ARHGEF10L: variants seen among roughly 807,000 people sequenced by gnomAD.
ARHGEF10L encodes Rho guanine nucleotide exchange factor 10 like, also known as rho guanine nucleotide exchange factor 10-like protein.
Under a neutral mutation model 141.2 loss-of-function variants are expected in ARHGEF10L, and 69 were observed. The observed-to-expected ratio is 0.49, with a 90% CI of 0.40 to 0.60. The LOEUF is 0.60. ARHGEF10L is among the 20% of genes least tolerant of loss of function. The probability of loss-of-function intolerance (pLI) is 0.00; values close to 1 mark genes in which losing one functional copy is unlikely to be tolerated. For synonymous variants in ARHGEF10L, 711 were observed against 718.5 expected, an observed-to-expected ratio of 0.99 and a Z score of 0.17; for missense variants, 1,482 against 1,734.3, an observed-to-expected ratio of 0.85 and a Z score of 2.58.
chr1:17,659,196 C>T (rs1357184772), intron 25 of ARHGEF10L, among the ~76,000 whole-genome samples: 1 of 152,144 alleles, frequency 6.6e-6, no homozygotes, highest in African/African-American at 2.4e-5. Flanking sequence ...ACCACCTGGG[C>T]AGGTGAATTT....
intron 26 of ARHGEF10L, among the ~76,000 whole-genome samples, chr1:17,667,083 G>T (rs1390516743): frequency 6.6e-6 from 1 of 152,182 alleles, no homozygotes; most frequent in East Asian, 1.9e-4. Flanking sequence ...CTCTGCAAGC[G>T]GTCTCCTGCA....
At chr1:17,680,712 G>T (rs1332395330) in intron 26 of ARHGEF10L, among the ~76,000 whole-genome samples, 1 of 151,834 alleles carries the variant, frequency 6.6e-6, no homozygotes, top group Non-Finnish European at 1.5e-5. Flanking sequence ...GCTGGAGGAG[G>T]CGGGCACAAC....
intron 1 of ARHGEF10L, among the ~76,000 whole-genome samples, chr1:17,548,302 A>G (rs2076985722): frequency 1.3e-5 from 2 of 152,302 alleles, no homozygotes; most frequent in South Asian, 4.1e-4. Flanking sequence ...GGGTCTCCAT[A>G]GAAAAGAAAT....
intron 7 of ARHGEF10L, among the ~76,000 whole-genome samples, chr1:17,612,483 C>T (rs1234537685): frequency 6.6e-6 from 1 of 152,144 alleles, no homozygotes. Context: ...TTCATCCATC[C>T]ATCCCTCTAT....
chr1:17,655,784 A>T, intron 23 of ARHGEF10L, 95 bp from the exon 24 acceptor site: 6 of 1,141,258 alleles, frequency 5.3e-6, no homozygotes, highest in Non-Finnish European at 7.5e-6. Context: ...TGCTTCTCTC[A>T]GGGGATGGGG....
chr1:17,593,516 G>A (rs2079781213), intron 4 of ARHGEF10L, among the ~76,000 whole-genome samples: 1 of 152,152 alleles, frequency 6.6e-6, no homozygotes. Context: ...GCCAGAGTCA[G>A]AAAGAGGTGG....
intron 26 of ARHGEF10L, among the ~76,000 whole-genome samples, chr1:17,687,143 A>G (rs923352248): frequency 6.6e-6 from 1 of 151,974 alleles, no homozygotes; most frequent in East Asian, 1.9e-4. Context: ...TACATAAACC[A>G]CAACTTCTTT....
Position 17,587,536 on chromosome 1 carries a change from T to A in ARHGEF10L, c.114T>A (p.Asp38Glu), listed in dbSNP as rs1402710014. 1 of 1,614,080 alleles carries A rather than the reference T, an allele frequency of 6.2e-7. No homozygotes were observed. Among genetic ancestry groups the A allele is most frequent in the Non-Finnish European group, 8.5e-7 (1 of 1,180,032 alleles). ...EDDPGEAFEF[D>E]DSDDEEDTSA... ...ACCCAGGAGAGGCGTTTGAGTTTGATGACAGTGATGATGAAGAGGACACCA... is the reference window on the plus strand; with the variant it reads ...ACCCAGGAGAGGCGTTTGAGTTTGAAGACAGTGATGATGAAGAGGACACCA... Residue 38 changes from aspartate to glutamate, a missense_variant, in exon 3 of 29, where the codon GAT (aspartate) becomes GAA (glutamate). Physicochemically the swap from Asp to Glu is conservative, Grantham distance 45 (BLOSUM62 2). Transcript: ENST00000361221.
chr1:17,687,497 C>G (rs1384640260), intron 26 of ARHGEF10L, 76 bp from the exon 27 acceptor site: 23 of 1,527,350 alleles, frequency 1.5e-5, no homozygotes, highest in African/African-American at 1.4e-5. Flanking sequence ...GAATGGCTGG[C>G]CCAGGGGTGG....
intron 7 of ARHGEF10L, among the ~76,000 whole-genome samples, chr1:17,608,485 G>A (rs2081378128): frequency 6.6e-6 from 1 of 152,232 alleles, no homozygotes; most frequent in South Asian, 2.1e-4. Flanking sequence ...CGGCCTGGAA[G>A]CCTTCTCTCC....
rs1405838430 is a variant in ARHGEF10L, at chr1:17,573,956, C to T, written c.-43-6597C>T. Among the ~76,000 whole-genome samples, 1 of 152,176 alleles carries T rather than the reference C, an allele frequency of 6.6e-6. No homozygotes were observed. The highest frequency in any genetic ancestry group is 1.5e-5 in the Non-Finnish European group (1 of 68,016). ...GGCCCCCTTCTCAGAGCTCCCCTCC[C>T]CCTCCCTGGTGAAGAGGAAAGGAAG... On this transcript the variant is annotated intron_variant, in intron 1 of 28. Transcript: ENST00000361221. The surrounding 1 kb of genome is among the most constrained non-coding windows in gnomAD (Gnocchi z 4.8).
At chr1:17,541,944 G>C (rs749290508) in intron 1 of ARHGEF10L, among the ~76,000 whole-genome samples, 2 of 151,986 alleles carry the variant, frequency 1.3e-5, no homozygotes, top group East Asian at 1.9e-4. Flanking sequence ...TCCAGCTTGG[G>C]TGACAAGAGT....
intron 2 of ARHGEF10L, among the ~76,000 whole-genome samples, chr1:17,585,021 T>C (rs898936640): frequency 1.3e-5 from 2 of 152,256 alleles, no homozygotes; most frequent in East Asian, 3.8e-4. Context: ...TTTTATTTGG[T>C]ATTATAATAT....
At chr1:17,586,515 G>A (rs994812932) in intron 2 of ARHGEF10L, among the ~76,000 whole-genome samples, 1 of 152,150 alleles carries the variant, frequency 6.6e-6, no homozygotes, top group Non-Finnish European at 1.5e-5. Context: ...AGTTTAGGAA[G>A]GAAGTCTTCT....
intron 1 of ARHGEF10L, among the ~76,000 whole-genome samples, chr1:17,570,903 T>G (rs928443234): frequency 6.6e-6 from 1 of 151,640 alleles, no homozygotes; most frequent in Non-Finnish European, 1.5e-5. Flanking sequence ...TAGCAGCTGG[T>G]GGGATGGTGC....
intron 2 of ARHGEF10L, 49 bp from the exon 3 acceptor site, chr1:17,587,410 GA>G (rs1337678909): frequency 6.3e-7 from 1 of 1,578,292 alleles, no homozygotes; most frequent in South Asian, 1.2e-5. Flanking sequence ...TCTCTCCATT[GA>G]CCAAACCTCG....
At chr1:17,571,442 G>T (rs2077995264) in intron 1 of ARHGEF10L, among the ~76,000 whole-genome samples, 1 of 152,186 alleles carries the variant, frequency 6.6e-6, no homozygotes, top group Non-Finnish European at 1.5e-5. Context: ...GCACTCCTCG[G>T]GGAAGTCTTG....
intron 1 of ARHGEF10L, among the ~76,000 whole-genome samples, chr1:17,563,125 G>A (rs143712874): frequency 3.6e-4 from 55 of 152,280 alleles, no homozygotes; most frequent in African/African-American, 1.3e-3. Context: ...TTTCAATATG[G>A]GGGTATGATG....
At chr1:17,574,388 C>T (rs971597934) in intron 1 of ARHGEF10L, among the ~76,000 whole-genome samples, 3 of 152,180 alleles carry the variant, frequency 2.0e-5, no homozygotes, top group Non-Finnish European at 4.4e-5. Flanking sequence ...CGGTGGAATA[C>T]GTTTGTCTTG....
Sources: allele counts gnomAD v4.1 joint callset (sites outside exome capture counted in the v4.1 genomes callset), GRCh38; gene constraint gnomAD v4.1.1; non-coding constraint Gnocchi (gnomAD v3.1); transcripts MANE v1.5; gene names NCBI Gene and HGNC (gene_info 2026-07-23, HGNC 2026-07-21).